NRG2: variants seen among roughly 807,000 people sequenced by gnomAD.
NRG2 encodes pro-neuregulin-2, membrane-bound isoform.
NRG2 carries 27 observed loss-of-function variants against 73.9 expected under a neutral mutation model. The observed-to-expected ratio is 0.37, with a 90% CI of 0.27 to 0.50. The LOEUF is 0.50. Ranked by LOEUF, NRG2 falls within the 20% of genes least tolerant of loss-of-function variation. The probability of loss-of-function intolerance (pLI) is 0.96; values close to 1 mark genes in which losing one functional copy is unlikely to be tolerated. For synonymous variants in NRG2, 532 were observed against 541.0 expected, an observed-to-expected ratio of 0.98 and a Z score of 0.23; for missense variants, 1,126 against 1,210.1, an observed-to-expected ratio of 0.93 and a Z score of 1.03.
At chr5:139,900,783 G>A (rs1561666559) in intron 1 of NRG2, among the ~76,000 whole-genome samples, 1 of 152,230 alleles carries the variant, frequency 6.6e-6, no homozygotes, top group Non-Finnish European at 1.5e-5. Flanking sequence ...TCCTCCATGT[G>A]TCTTCATTTT....
intron 3 of NRG2, among the ~76,000 whole-genome samples, chr5:139,874,604 C>G (rs141266843): frequency 1.2e-4 from 18 of 152,212 alleles, no homozygotes; most frequent in Non-Finnish European, 2.2e-4. Context: ...GGTCTTTCTG[C>G]CTTCACTCTT....
chr5:140,005,791 A>G (rs1758849815), intron 1 of NRG2, among the ~76,000 whole-genome samples: 1 of 152,216 alleles, frequency 6.6e-6, no homozygotes. Flanking sequence ...CTCTTTTGCC[A>G]AGAGTGCCTA....
At chr5:139,937,021 C>T (rs1431770488) in intron 1 of NRG2, among the ~76,000 whole-genome samples, 2 of 152,286 alleles carry the variant, frequency 1.3e-5, no homozygotes. Flanking sequence ...AGGCTGGTCT[C>T]GAACTCCTGA....
At chr5:139,871,909 T>C in intron 3 of NRG2, 68 bp from the exon 4 acceptor site, 1 of 1,568,312 alleles carries the variant, frequency 6.4e-7, no homozygotes, top group Non-Finnish European at 8.7e-7. Flanking sequence ...AATCATCTCC[T>C]TCATGCCCCA....
chr5:139,848,189 C>T lies in NRG2; in HGVS notation c.2281G>A (p.Asp761Asn). The T allele has an allele frequency of 1.5e-6, 2 of 1,351,410 alleles. No homozygotes were observed. Among genetic ancestry groups the T allele is most frequent in the Non-Finnish European group, 1.9e-6 (2 of 1,056,694 alleles). The allele number at this position is 1,351,410 out of a possible 1,614,324, so 83.7% of individuals were successfully genotyped here. A position where few individuals can be genotyped will look rare whatever the true frequency, so the allele number is the denominator to read the frequency against. Residue 761 changes from aspartate (D) to asparagine (N), a missense_variant, in exon 10 of 10, where the codon GAC becomes AAC. Physicochemically the swap from Asp to Asn is conservative, Grantham distance 23. Coordinates refer to ENST00000361474, the MANE Select transcript of NRG2 (RefSeq NM_004883.3). ...LAAQRARAAR[D>N]SLSLSSGSGG... ...GAGCCGCTGCTCAGCGACAGCGAGT[C>T]CCTCGCCGCCCGTGCGCGCTGCGCC...
At chr5:139,850,756 C>G (rs1761365251) in intron 9 of NRG2, among the ~76,000 whole-genome samples, 1 of 152,162 alleles carries the variant, frequency 6.6e-6, no homozygotes, top group Non-Finnish European at 1.5e-5. Flanking sequence ...TTACTACATC[C>G]ACTGCTTAGG....
intron 1 of NRG2, among the ~76,000 whole-genome samples, chr5:140,017,617 A>G (rs1234599398): frequency 1.3e-5 from 2 of 152,214 alleles, no homozygotes; most frequent in African/African-American, 4.8e-5. Flanking sequence ...AAACATGTAC[A>G]TTAGGGTCAG....
chr5:140,031,599 T>C (rs1466739077), intron 1 of NRG2, among the ~76,000 whole-genome samples: 3 of 152,202 alleles, frequency 2.0e-5, no homozygotes, highest in African/African-American at 4.8e-5. Flanking sequence ...GATTCAGACA[T>C]GACAGATCAT....
At chr5:139,999,149 A>G (rs376309106) in intron 1 of NRG2, among the ~76,000 whole-genome samples, 1 of 152,262 alleles carries the variant, frequency 6.6e-6, no homozygotes, top group South Asian at 2.1e-4. Context: ...CGTTCTCCTG[A>G]AGTTCTGGTG....
intron 1 of NRG2, among the ~76,000 whole-genome samples, chr5:139,992,957 G>A (rs187796943): frequency 4.6e-4 from 70 of 151,754 alleles, no homozygotes; most frequent in Admixed American, 1.8e-3. Context: ...GGTCTCTTTC[G>A]ATCTATATAG....
chr5:139,921,735 G>C (rs1751680068), intron 1 of NRG2, among the ~76,000 whole-genome samples: 1 of 152,138 alleles, frequency 6.6e-6, no homozygotes, highest in African/African-American at 2.4e-5. Context: ...CATAATATAT[G>C]AAAGAAATAA....
chr5:140,010,285 G>A (rs1327523370), intron 1 of NRG2, among the ~76,000 whole-genome samples: 4 of 151,026 alleles, frequency 2.6e-5, no homozygotes, highest in Non-Finnish European at 4.4e-5. Context: ...GTGACACAGC[G>A]AGACTGTCTC....
chr5:139,931,725 TAAGGTGTACAAATTA>T (rs548217377), intron 1 of NRG2, among the ~76,000 whole-genome samples: 2 of 152,294 alleles, frequency 1.3e-5, no homozygotes, highest in South Asian at 4.1e-4. Context: ...ATTACAGAGC[TAAGGTGTACAAATTA>T]AATGTAAAAT....
chr5:140,036,984 T>C lies in NRG2; in HGVS notation c.700+5386A>G, dbSNP rs559538394. Among the ~76,000 whole-genome samples, 12 of 152,350 alleles carry C rather than the reference T, an allele frequency of 7.9e-5. No homozygotes were observed. In the South Asian group the frequency reaches 1.7e-3, roughly 21 times the overall value. On this transcript the variant is annotated intron_variant, in intron 1 of 9. Transcript: ENST00000361474. ...TTTTTCCTATGTATCCAAATGGCAA[T>C]TCCCTGATCCTCTGAAATTTTAACA...
chr5:140,039,635 T>C (rs150609981), intron 1 of NRG2, among the ~76,000 whole-genome samples: 137 of 152,270 alleles, frequency 9.0e-4, no homozygotes, highest in East Asian at 3.5e-3. Flanking sequence ...ACCTCCTGCA[T>C]TGATGCTCCT....
chr5:139,987,208 C>G (rs1757228498), intron 1 of NRG2, among the ~76,000 whole-genome samples: 1 of 143,382 alleles, frequency 7.0e-6, no homozygotes. Context: ...CCCATCTCTA[C>G]TAAAATACAA....
At chr5:140,028,571 G>T (rs1276864901) in intron 1 of NRG2, among the ~76,000 whole-genome samples, 3 of 152,182 alleles carry the variant, frequency 2.0e-5, no homozygotes, top group African/African-American at 7.2e-5. Context: ...GAGACGATGA[G>T]ACCCTGGCTC....
Position 139,856,743 on chromosome 5 carries a change from A to T in NRG2, c.1190-965T>A, listed in dbSNP as rs1246200822. 6.6e-6 allele frequency among the ~76,000 whole-genome samples: 1 copy of T among 152,164 alleles called. No homozygotes were observed. Among genetic ancestry groups the T allele is most frequent in the African/African-American group, 2.4e-5 (1 of 41,434 alleles). On this transcript the variant is annotated intron_variant, in intron 5 of 9. Transcript: ENST00000361474. The surrounding 1 kb of genome is among the most constrained non-coding windows in gnomAD (Gnocchi z 4.2). ...CTACAAACCCTCCAGACACACAGAG[A>T]TTTCTAACTATGCCTATCTGATTCA...
chr5:139,966,973 C>T (rs1755568412), intron 1 of NRG2, among the ~76,000 whole-genome samples: 1 of 152,106 alleles, frequency 6.6e-6, no homozygotes, highest in African/African-American at 2.4e-5. Flanking sequence ...GTCATGCAGG[C>T]CCCCAGCCTC....
Sources: gnomAD v4.1 joint callset for allele counts (sites outside exome capture counted in the v4.1 genomes callset) on GRCh38, gnomAD v4.1.1 for gene constraint, Gnocchi (gnomAD v3.1) non-coding constraint, MANE v1.5 for transcripts, NCBI Gene and HGNC (gene_info 2026-07-23, HGNC 2026-07-21) for gene names.